The following WASF3 variants were observed in gnomAD, a reference collection of about 807,000 sequenced individuals.
The protein encoded by WASF3 is WASP family member 3, also known as actin-binding protein WASF3.
In WASF3, 11 loss-of-function variants were observed where a neutral mutation model predicts 46.6. The ratio of observed to expected loss-of-function variants is 0.24; its 90% CI spans 0.15 to 0.39. The LOEUF (loss-of-function observed/expected upper bound fraction) is 0.39. Among genes scored for constraint, WASF3 ranks in the 10% least tolerant of loss-of-function variants. WASF3 has a pLI of 1.00. For missense variants in WASF3, 576 were observed against 669.8 expected (o/e 0.86, Z 1.55); for synonymous variants, 242 against 259.7 (o/e 0.93, Z 0.65).
At chr13:26,542,377 C>T in the WASF3 span, among the ~76,000 whole-genome samples, 1 of 152,156 alleles carries the variant, frequency 6.6e-6, no homozygotes, top group African/African-American at 2.4e-5. Flanking sequence ...TCATTCTTGG[C>T]CAATTTTAAT....
chr13:26,687,212 T>TA lies in WASF3; in HGVS notation c.*1368dup, dbSNP rs774012279. 3.9e-5 allele frequency: 6 copies of TA among 152,246 alleles called. No individual in the cohort carries two copies. Among genetic ancestry groups the TA allele is most frequent in the African/African-American group, 7.2e-5 (3 of 41,470 alleles). 9.4% of individuals were successfully genotyped at this position (152,246 alleles called of 1,614,324 possible). A position where few individuals can be genotyped will look rare whatever the true frequency, so the allele number is the denominator to read the frequency against. On this transcript the variant is annotated 3_prime_UTR_variant, in exon 10 of 10. Coordinates refer to ENST00000335327, the MANE Select transcript of WASF3 (RefSeq NM_006646.6). Reference sequence around the variant, plus strand: ...AGGTGCTCCAGGCTTTGATTATAGATACGACTTCAAAAATATGCTAAGACG... The same window carrying TA: ...AGGTGCTCCAGGCTTTGATTATAGATAACGACTTCAAAAATATGCTAAGACG...
chr13:26,601,579 A>C (rs1880644429), intron 1 of WASF3, among the ~76,000 whole-genome samples: 1 of 152,266 alleles, frequency 6.6e-6, no homozygotes, highest in Non-Finnish European at 1.5e-5. Flanking sequence ...TGCAGAATTC[A>C]AGTTATTAAC....
chr13:26,587,360 C>T (rs1196649095), intron 1 of WASF3, among the ~76,000 whole-genome samples: 1 of 151,358 alleles, frequency 6.6e-6, no homozygotes, highest in African/African-American at 2.4e-5. Context: ...ATCTTTGTGG[C>T]CTCTGAAAGG....
At chr13:26,571,133 C>T (rs1474081521) in intron 1 of WASF3, among the ~76,000 whole-genome samples, 1 of 151,896 alleles carries the variant, frequency 6.6e-6, no homozygotes, top group African/African-American at 2.4e-5. Flanking sequence ...AGAATTTTTG[C>T]ACCTTTTCTG....
intron 2 of WASF3, among the ~76,000 whole-genome samples, chr13:26,623,281 C>T (rs545275129): frequency 3.3e-5 from 5 of 152,268 alleles, no homozygotes; most frequent in East Asian, 1.9e-4. Context: ...CTCTTTTGAT[C>T]GTGCTGCTCT....
intron 3 of WASF3, among the ~76,000 whole-genome samples, chr13:26,646,189 C>T (rs952033385): frequency 2.0e-5 from 3 of 152,062 alleles, no homozygotes; most frequent in Admixed American, 6.6e-5. Flanking sequence ...TTCAGTTGTT[C>T]GTGGTTTGCC....
At chr13:26,576,272 G>A (rs1879793505) in intron 1 of WASF3, among the ~76,000 whole-genome samples, 1 of 151,674 alleles carries the variant, frequency 6.6e-6, no homozygotes, top group Admixed American at 6.6e-5. Flanking sequence ...TCTCTACTAT[G>A]ACTTTTTCTT....
At chr13:26,675,523 C>T (rs1208979466) in intron 6 of WASF3, among the ~76,000 whole-genome samples, 1 of 121,472 alleles carries the variant, frequency 8.2e-6, no homozygotes, top group Non-Finnish European at 1.8e-5. Flanking sequence ...CACACACACA[C>T]GTATATATTT....
chr13:26,641,995 C>G (rs1882012525), intron 2 of WASF3: 1 of 193,496 alleles, frequency 5.2e-6, no homozygotes, highest in Non-Finnish European at 1.0e-5. Flanking sequence ...CCTTTCCTCT[C>G]TCTCCTCATT....
chr13:26,600,637 A>C (rs957766138), intron 1 of WASF3, among the ~76,000 whole-genome samples: 1 of 152,232 alleles, frequency 6.6e-6, no homozygotes, highest in Non-Finnish European at 1.5e-5. Flanking sequence ...CACAATGCTC[A>C]TGGGAGCTGG....
chr13:26,543,530 T>G, the WASF3 span, among the ~76,000 whole-genome samples: 1 of 152,090 alleles, frequency 6.6e-6, no homozygotes, highest in East Asian at 1.9e-4. Flanking sequence ...TCTTCTAAAT[T>G]TCAGATCTTA....
upstream of WASF3, chr13:26,557,657 C>G (rs1453681581): frequency 6.3e-6 from 1 of 158,894 alleles, no homozygotes; most frequent in Non-Finnish European, 1.4e-5. Context: ...CGAGCCCCCC[C>G]GCCGGGAGGG....
chr13:26,573,110 T>C (rs1879688964), intron 1 of WASF3, among the ~76,000 whole-genome samples: 1 of 152,188 alleles, frequency 6.6e-6, no homozygotes, highest in African/African-American at 2.4e-5. Context: ...TCTGGGTTTT[T>C]TGGGGGAGGG....
Position 26,610,719 on chromosome 13 carries a change from T to C in WASF3, c.-108-2242T>C, listed in dbSNP as rs186791284. Reference sequence around the variant, plus strand: ...AGCACTGTCAGCACCATTCAGAGTGTAGCCATGTATGGAAATAGAATTGGA... The same window carrying C: ...AGCACTGTCAGCACCATTCAGAGTGCAGCCATGTATGGAAATAGAATTGGA... On this transcript the variant is annotated intron_variant, in intron 1 of 9. Transcript: ENST00000335327. Among the ~76,000 whole-genome samples, 3 of 152,228 alleles carry C rather than the reference T, an allele frequency of 2.0e-5. No homozygotes were observed. In the East Asian group the frequency reaches 5.8e-4, roughly 29 times the overall value.
chr13:26,652,673 A>T (rs1334164667), intron 3 of WASF3, among the ~76,000 whole-genome samples: 2 of 152,222 alleles, frequency 1.3e-5, no homozygotes, highest in African/African-American at 4.8e-5. Context: ...AGATAATTAT[A>T]ATCTTTTTAG....
At chr13:26,599,642 C>T (rs1880588123) in intron 1 of WASF3, among the ~76,000 whole-genome samples, 1 of 152,216 alleles carries the variant, frequency 6.6e-6, no homozygotes, top group African/African-American at 2.4e-5. Flanking sequence ...GTTAACAGTT[C>T]AGCTGGTATC....
chr13:26,572,481 G>A (rs1344717407), intron 1 of WASF3, among the ~76,000 whole-genome samples: 2 of 152,090 alleles, frequency 1.3e-5, no homozygotes, highest in Non-Finnish European at 2.9e-5. Flanking sequence ...TCCTGTGGAG[G>A]CAATTATATG....
At chr13:26,652,915 G>A (rs1882355999) in intron 3 of WASF3, among the ~76,000 whole-genome samples, 1 of 152,026 alleles carries the variant, frequency 6.6e-6, no homozygotes. Flanking sequence ...CTTAGGTAGG[G>A]CCCTTGGTGT....
chr13:26,544,142 T>C, the WASF3 span, among the ~76,000 whole-genome samples: 116,310 of 152,050 alleles, frequency 0.76, 44,551 homozygotes, highest in East Asian at 0.9. Context: ...CATCTAGGAA[T>C]GGTTTTTCCA....
Sources: gnomAD v4.1 joint callset for allele counts (sites outside exome capture counted in the v4.1 genomes callset) on GRCh38, gnomAD v4.1.1 for gene constraint, MANE v1.5 for transcripts, NCBI Gene and HGNC (gene_info 2026-07-23, HGNC 2026-07-21) for gene names.